The following KANSL1 variants were observed in gnomAD, a reference collection of about 807,000 sequenced individuals.
KANSL1 encodes MLL1/MLL complex subunit KANSL1.
In KANSL1, 22 loss-of-function variants were observed where a neutral mutation model predicts 103.6. That is an observed-to-expected ratio of 0.21 (90% CI 0.15 to 0.30). KANSL1 has a LOEUF of 0.30. Ranked by LOEUF, KANSL1 falls within the 10% of genes least tolerant of loss-of-function variation. KANSL1 has a pLI of 1.00. For missense variants in KANSL1, 1,337 were observed against 1,399.8 expected (o/e 0.96, Z 0.72); for synonymous variants, 600 against 527.6 (o/e 1.14, Z -1.88).
At chr17:46,168,590 G>A (rs999806122) in intron 2 of KANSL1, among the ~76,000 whole-genome samples, 2 of 152,126 alleles carry the variant, frequency 1.3e-5, no homozygotes, top group Non-Finnish European at 2.9e-5. Context: ...CAAGTGATCC[G>A]CCCGCCTCAG....
intron 1 of KANSL1, among the ~76,000 whole-genome samples, chr17:46,215,988 C>T (rs2048327827): frequency 2.6e-5 from 4 of 152,216 alleles, no homozygotes. Context: ...TGCCGTGAGC[C>T]GAGACCGTGC....
At chr17:46,079,153 C>T (rs886598951) in intron 4 of KANSL1, among the ~76,000 whole-genome samples, 1 of 152,206 alleles carries the variant, frequency 6.6e-6, no homozygotes, top group Non-Finnish European at 1.5e-5. Context: ...CCTTGATTTG[C>T]TCCATGACTC....
At chr17:46,151,139 A>T (rs1327929967) in intron 2 of KANSL1, among the ~76,000 whole-genome samples, 3 of 152,234 alleles carry the variant, frequency 2.0e-5, no homozygotes, top group Admixed American at 2.0e-4. Context: ...CATAAAGCTA[A>T]ATATTTAAGA....
intron 2 of KANSL1, among the ~76,000 whole-genome samples, chr17:46,112,368 CAAAAAA>C (rs34480982): frequency 9.8e-5 from 5 of 51,074 alleles, no homozygotes; most frequent in African/African-American, 1.8e-4. Flanking sequence ...AACTCTGTCT[CAAAAAA>C]AAAAAAAAAA....
At chr17:46,142,299 T>C (rs1368110705) in intron 2 of KANSL1, among the ~76,000 whole-genome samples, 6 of 152,212 alleles carry the variant, frequency 3.9e-5, no homozygotes, top group African/African-American at 9.7e-5. Context: ...AGGATAAATA[T>C]CTCTGCTTCA....
intron 6 of KANSL1, among the ~76,000 whole-genome samples, chr17:46,058,185 CCT>C (rs1003772441): frequency 3.3e-5 from 5 of 152,286 alleles, no homozygotes; most frequent in Non-Finnish European, 5.9e-5. Context: ...ATAAGATCCC[CCT>C]GAGTGTTTGC....
chr17:46,062,355 C>CTTTTTTTTT (rs34577730), intron 6 of KANSL1, among the ~76,000 whole-genome samples: 5 of 95,468 alleles, frequency 5.2e-5, no homozygotes, highest in Non-Finnish European at 9.9e-5. Flanking sequence ...ATAACAACAG[C>CTTTTTTTTT]TTTTTTTTTT....
chr17:46,166,170 G>A (rs905554105), intron 2 of KANSL1, among the ~76,000 whole-genome samples: 2 of 140,678 alleles, frequency 1.4e-5, no homozygotes, highest in African/African-American at 2.5e-5. Context: ...CCGAGATCAT[G>A]CCACTGTAAC....
chr17:46,196,630 A>C, upstream of KANSL1: 1 of 329,988 alleles, frequency 3.0e-6, no homozygotes, highest in Non-Finnish European at 6.0e-6. Context: ...CTGGATTTCC[A>C]GCCACATTAC....
At chr17:46,160,410 T>C (rs894019988) in intron 2 of KANSL1, among the ~76,000 whole-genome samples, 1 of 152,142 alleles carries the variant, frequency 6.6e-6, no homozygotes, top group Non-Finnish European at 1.5e-5. Context: ...GCAATCCTCC[T>C]ACCTCAGCCT....
chr17:46,197,533 C>T (rs2047653024), upstream of KANSL1, among the ~76,000 whole-genome samples: 1 of 152,186 alleles, frequency 6.6e-6, no homozygotes, highest in Non-Finnish European at 1.5e-5. Context: ...GTTCCAGCTA[C>T]TCGGGAGGCT....
intron 2 of KANSL1, among the ~76,000 whole-genome samples, chr17:46,155,971 G>A (rs989064929): frequency 6.6e-5 from 10 of 152,134 alleles, no homozygotes; most frequent in African/African-American, 2.4e-4. Flanking sequence ...CCTTTCTTGT[G>A]ATAGCTATTA....
At chr17:46,052,675 T>G (rs1429987435) in intron 6 of KANSL1, among the ~76,000 whole-genome samples, 1 of 150,578 alleles carries the variant, frequency 6.6e-6, no homozygotes, top group African/African-American at 2.4e-5. Context: ...CTAGGCGTGG[T>G]GGCTCACAAC....
intron 2 of KANSL1, among the ~76,000 whole-genome samples, chr17:46,095,810 G>C (rs1320084783): frequency 2.0e-5 from 3 of 151,998 alleles, no homozygotes; most frequent in African/African-American, 7.3e-5. Flanking sequence ...ATATGTAACA[G>C]AACTCTCAGA....
chr17:46,037,687 A>C (rs2077189930), intron 10 of KANSL1: 1 of 152,252 alleles, frequency 6.6e-6, no homozygotes, highest in South Asian at 2.1e-4. Context: ...CATGTAACAC[A>C]TGTAAATCAC....
chr17:46,048,462 T>C (rs572793161), intron 7 of KANSL1, among the ~76,000 whole-genome samples: 31 of 151,994 alleles, frequency 2.0e-4, no homozygotes, highest in Admixed American at 2.0e-3. Context: ...CCCAGCTACT[T>C]GGGAGGCTGA....
At chr17:46,220,477 A>C (rs577305653) in intron 1 of KANSL1, among the ~76,000 whole-genome samples, 1 of 152,128 alleles carries the variant, frequency 6.6e-6, no homozygotes, top group African/African-American at 2.4e-5. Flanking sequence ...CGGCCTCCCA[A>C]AGTGCTGGGA....
At chr17:46,159,540 T>C (rs369363149) in intron 2 of KANSL1, among the ~76,000 whole-genome samples, 2 of 152,218 alleles carry the variant, frequency 1.3e-5, no homozygotes, top group Non-Finnish European at 2.9e-5. Flanking sequence ...CCAATCAGGA[T>C]AGTCCTCAAC....
At chr17:46,217,692 C>T (rs988441451) in intron 1 of KANSL1, among the ~76,000 whole-genome samples, 1 of 152,178 alleles carries the variant, frequency 6.6e-6, no homozygotes, top group African/African-American at 2.4e-5. Context: ...AGTTTGAGAC[C>T]AGCCTGGGCA....
Sources: gnomAD v4.1 joint callset for allele counts (sites outside exome capture counted in the v4.1 genomes callset) on GRCh38, gnomAD v4.1.1 for gene constraint, MANE v1.5 for transcripts, NCBI Gene and HGNC (gene_info 2026-07-23, HGNC 2026-07-21) for gene names.